LRP1B: variants seen among roughly 807,000 people sequenced by gnomAD.
LRP1B encodes the protein low-density lipoprotein receptor-related protein 1B.
LRP1B carries 217 observed loss-of-function variants against 556.6 expected under a neutral mutation model. The observed-to-expected ratio is 0.39, with a 90% CI of 0.35 to 0.44. LRP1B has a LOEUF of 0.44. Among genes scored for constraint, LRP1B ranks in the 20% least tolerant of loss-of-function variants. The pLI, the probability that LRP1B is intolerant of heterozygous loss-of-function variation, is 1.00. For missense variants in LRP1B, 5,053 were observed against 5,620.8 expected, an observed-to-expected ratio of 0.90 and a Z score of 3.23; for synonymous variants, 2,047 against 1,865.8, an observed-to-expected ratio of 1.10 and a Z score of -2.50.
chr2:140,540,320 C>A (rs570605727), intron 45 of LRP1B, among the ~76,000 whole-genome samples: 2 of 152,084 alleles, frequency 1.3e-5, no homozygotes, highest in East Asian at 3.9e-4. Flanking sequence ...AGGAAATTAA[C>A]CTTTTTTAAA....
Position 141,231,305 on chromosome 2 carries a change from G to C in LRP1B, c.593-1865C>G, listed in dbSNP as rs999919617. Among the ~76,000 whole-genome samples, 3 of 152,222 alleles carry C rather than the reference G, an allele frequency of 2.0e-5. No homozygotes were observed. The East Asian group carries it at 5.8e-4, about 29-fold the overall frequency. On this transcript the variant is annotated intron_variant, in intron 5 of 90. Transcript: ENST00000389484. ...CAGGCACCTGTGTTTGTCTCAGATA[G>C]AAGAGCCCTCCAGTGAATATGATTT...
chr2:141,443,724 A>G (rs1185773935), intron 3 of LRP1B, among the ~76,000 whole-genome samples: 1 of 152,162 alleles, frequency 6.6e-6, no homozygotes, highest in African/African-American at 2.4e-5. Context: ...GGTTTGTCAG[A>G]GATCAGATGG....
chr2:141,594,989 G>T (rs1027327643), intron 2 of LRP1B, among the ~76,000 whole-genome samples: 2 of 151,986 alleles, frequency 1.3e-5, no homozygotes, highest in African/African-American at 4.8e-5. Flanking sequence ...ATTAAAAATT[G>T]TTAGATGCTT....
intron 25 of LRP1B, among the ~76,000 whole-genome samples, chr2:140,881,724 G>T (rs1160553531): frequency 6.6e-6 from 1 of 152,084 alleles, no homozygotes; most frequent in Admixed American, 6.6e-5. Flanking sequence ...GTGATGGAAG[G>T]TATCAACTCC....
At chr2:142,008,293 A>C (rs535982396) in intron 1 of LRP1B, among the ~76,000 whole-genome samples, 2 of 152,280 alleles carry the variant, frequency 1.3e-5, no homozygotes, top group South Asian at 4.1e-4. Context: ...AGAGTGCTCT[A>C]GCCGGTGATA....
intron 5 of LRP1B, among the ~76,000 whole-genome samples, chr2:141,237,509 GC>G (rs1201192833): frequency 6.6e-6 from 1 of 151,842 alleles, no homozygotes; most frequent in African/African-American, 2.4e-5. Flanking sequence ...CCAAACCTGT[GC>G]TTTTTAATCT....
chr2:140,606,981 C>T (rs1163706351), intron 41 of LRP1B, among the ~76,000 whole-genome samples: 1 of 151,898 alleles, frequency 6.6e-6, no homozygotes, highest in Non-Finnish European at 1.5e-5. Flanking sequence ...AACTTGTATG[C>T]TTCAAAAGAC....
chr2:141,494,654 TG>T (rs112063400), intron 2 of LRP1B, among the ~76,000 whole-genome samples: 49 of 151,636 alleles, frequency 3.2e-4, no homozygotes, highest in African/African-American at 1.1e-3. Context: ...ACACAGTATT[TG>T]GTGACTAGCG....
intron 66 of LRP1B, among the ~76,000 whole-genome samples, chr2:140,409,634 A>T (rs1309514009): frequency 6.6e-6 from 1 of 152,050 alleles, no homozygotes; most frequent in Non-Finnish European, 1.5e-5. Context: ...CATTAATAAC[A>T]GCTAATATAT....
intron 60 of LRP1B, among the ~76,000 whole-genome samples, chr2:140,468,539 A>G (rs988800065): frequency 1.5e-4 from 23 of 152,184 alleles, no homozygotes; most frequent in African/African-American, 5.3e-4. Flanking sequence ...TAGAGCCACC[A>G]GCTTGCAACT....
chr2:141,377,375 G>A (rs1043483872), intron 3 of LRP1B, among the ~76,000 whole-genome samples: 10 of 151,662 alleles, frequency 6.6e-5, no homozygotes, highest in East Asian at 1.9e-4. Context: ...CTTTTTTTAC[G>A]TAAACAAGTC....
intron 6 of LRP1B, among the ~76,000 whole-genome samples, chr2:141,221,110 G>C (rs1683017192): frequency 6.6e-6 from 1 of 152,028 alleles, no homozygotes; most frequent in South Asian, 2.1e-4. Context: ...AGAATGGCAA[G>C]CTGGATAAAA....
chr2:141,485,772 G>A (rs1222580808), intron 2 of LRP1B, among the ~76,000 whole-genome samples: 1 of 152,100 alleles, frequency 6.6e-6, no homozygotes, highest in Non-Finnish European at 1.5e-5. Context: ...GGGATAATGG[G>A]GGCTTCATGA....
intron 1 of LRP1B, among the ~76,000 whole-genome samples, chr2:141,953,749 A>G (rs1701173921): frequency 6.6e-6 from 1 of 152,130 alleles, no homozygotes; most frequent in African/African-American, 2.4e-5. Context: ...CCACAGTAAC[A>G]TACTAGCTTA....
intron 37 of LRP1B, among the ~76,000 whole-genome samples, chr2:140,703,279 C>T (rs1057388754): frequency 2.0e-5 from 3 of 151,712 alleles, no homozygotes; most frequent in Non-Finnish European, 2.9e-5. Context: ...TAATGGGGGA[C>T]TATGTGAAAG....
At chr2:141,551,990 G>T (rs1203965437) in intron 2 of LRP1B, among the ~76,000 whole-genome samples, 1 of 151,896 alleles carries the variant, frequency 6.6e-6, no homozygotes, top group Non-Finnish European at 1.5e-5. Flanking sequence ...CACCAACTGG[G>T]GTTCCAGTGT....
At chr2:142,115,287 T>C (rs1411616783) in intron 1 of LRP1B, among the ~76,000 whole-genome samples, 1 of 149,776 alleles carries the variant, frequency 6.7e-6, no homozygotes, top group African/African-American at 2.5e-5. Context: ...CTGGCAGTGT[T>C]AGAAAATAAG....
At chr2:141,915,890 C>A (rs1008357067) in intron 1 of LRP1B, among the ~76,000 whole-genome samples, 3 of 152,150 alleles carry the variant, frequency 2.0e-5, no homozygotes, top group Non-Finnish European at 4.4e-5. Flanking sequence ...TATCATCTCA[C>A]ACCAATCAGA....
chr2:141,388,879 G>A (rs1689944854), intron 3 of LRP1B, among the ~76,000 whole-genome samples: 2 of 151,796 alleles, frequency 1.3e-5, no homozygotes, highest in African/African-American at 2.4e-5. Flanking sequence ...AAAAATAATT[G>A]AAAAAACTAC....
Sources: gnomAD v4.1 joint callset for allele counts (sites outside exome capture counted in the v4.1 genomes callset) on GRCh38, gnomAD v4.1.1 for gene constraint, MANE v1.5 for transcripts, NCBI Gene and HGNC (gene_info 2026-07-23, HGNC 2026-07-21) for gene names.